Variants in FHOD3 observed in about 807,000 individuals in gnomAD.
FHOD3 encodes the protein FH1/FH2 domain-containing protein 3.
FHOD3 carries 90 observed loss-of-function variants against 173.0 expected under a neutral mutation model. The observed-to-expected ratio is 0.52, with a 90% CI of 0.44 to 0.62. FHOD3 has a LOEUF of 0.62. Among genes scored for constraint, FHOD3 ranks in the 20% least tolerant of loss-of-function variants. The probability of loss-of-function intolerance (pLI) is 0.00; values close to 1 mark genes in which losing one functional copy is unlikely to be tolerated. For missense variants in FHOD3, 1,945 were observed against 2,034.7 expected (o/e 0.96, Z 0.85); for synonymous variants, 828 against 823.0 (o/e 1.01, Z -0.10).
chr18:36,628,833 T>C (rs528000677), intron 10 of FHOD3, among the ~76,000 whole-genome samples: 1 of 152,324 alleles, frequency 6.6e-6, no homozygotes, highest in South Asian at 2.1e-4. Context: ...AGGTACCCCA[T>C]CTGCCCTTGA....
At chr18:36,395,758 GAA>G in intron 3 of FHOD3, among the ~76,000 whole-genome samples, 1 of 152,094 alleles carries the variant, frequency 6.6e-6, no homozygotes, top group Non-Finnish European at 1.5e-5. Flanking sequence ...TTTTGTTTGA[GAA>G]AATAGTTATT....
chr18:36,677,963 C>G (rs2037971437), intron 14 of FHOD3, among the ~76,000 whole-genome samples: 1 of 151,990 alleles, frequency 6.6e-6, no homozygotes, highest in Admixed American at 6.6e-5. Flanking sequence ...TTATGATTAA[C>G]TTGGTAAATT....
intron 10 of FHOD3, among the ~76,000 whole-genome samples, chr18:36,648,156 A>T (rs957345716): frequency 6.6e-6 from 1 of 152,144 alleles, no homozygotes; most frequent in Non-Finnish European, 1.5e-5. Flanking sequence ...TAGGAGGTGA[A>T]GAATTTGGGT....
At chr18:36,477,869 C>G (rs1401730627) in intron 3 of FHOD3, among the ~76,000 whole-genome samples, 1 of 152,106 alleles carries the variant, frequency 6.6e-6, no homozygotes, top group Non-Finnish European at 1.5e-5. Context: ...ATGGCAGAGT[C>G]TCTGGACTGG....
chr18:36,762,927 A>G (rs1310120306), intron 27 of FHOD3, among the ~76,000 whole-genome samples: 5 of 147,190 alleles, frequency 3.4e-5, no homozygotes, highest in African/African-American at 9.9e-5. Context: ...TATGTGTATT[A>G]TATACATTAT....
chr18:36,338,262 C>T (rs1386105646), intron 1 of FHOD3, among the ~76,000 whole-genome samples: 1 of 152,194 alleles, frequency 6.6e-6, no homozygotes, highest in Non-Finnish European at 1.5e-5. Context: ...ATGAGCTAGG[C>T]AGGCAGGTGG....
intron 1 of FHOD3, among the ~76,000 whole-genome samples, chr18:36,345,785 C>T (rs1252006899): frequency 1.3e-5 from 2 of 152,060 alleles, no homozygotes; most frequent in African/African-American, 2.4e-5. Context: ...AGCTAGAAAA[C>T]AAACTTACAG....
At chr18:36,624,458 A>T (rs2033942153) in intron 9 of FHOD3, among the ~76,000 whole-genome samples, 1 of 152,162 alleles carries the variant, frequency 6.6e-6, no homozygotes, top group Admixed American at 6.5e-5. Context: ...AGGCATAACA[A>T]TTAGAGGCCA....
intron 20 of FHOD3, among the ~76,000 whole-genome samples, chr18:36,731,380 C>T (rs1397827987): frequency 1.3e-5 from 2 of 152,186 alleles, no homozygotes; most frequent in African/African-American, 4.8e-5. Context: ...GGTTCATGTT[C>T]TTCCACAGGC....
chr18:36,442,202 T>A (rs914563863), intron 3 of FHOD3, among the ~76,000 whole-genome samples: 1 of 152,220 alleles, frequency 6.6e-6, no homozygotes, highest in African/African-American at 2.4e-5. Context: ...GTAATGTGTT[T>A]GCAAGGTTGT....
chr18:36,413,684 T>TGTTCCCC (rs2049475736), intron 3 of FHOD3, among the ~76,000 whole-genome samples: 1 of 152,340 alleles, frequency 6.6e-6, no homozygotes, highest in South Asian at 2.1e-4. Context: ...AAAAGACCTA[T>TGTTCCCC]GTTCCCCTTA....
At chr18:36,306,838 C>A (rs907132950) in intron 1 of FHOD3, among the ~76,000 whole-genome samples, 3 of 152,226 alleles carry the variant, frequency 2.0e-5, no homozygotes, top group Admixed American at 2.0e-4. Context: ...GTCTGCTCAT[C>A]CCAGCCATTT....
At chr18:36,445,327 G>A (rs1329860475) in intron 3 of FHOD3, among the ~76,000 whole-genome samples, 1 of 152,180 alleles carries the variant, frequency 6.6e-6, no homozygotes, top group African/African-American at 2.4e-5. Flanking sequence ...TCTTCTGTTA[G>A]GAAAAGAACA....
rs147262831 is a variant in FHOD3, at chr18:36,330,580, G to A, written c.166-24959G>A. On this transcript the variant is annotated intron_variant, in intron 1 of 28. Coordinates refer to ENST00000590592, the MANE Select transcript of FHOD3 (RefSeq NM_001281740.3). ...TGCAGGCTGAAGGCAGGGGACTGTGGCGTGCAGGGCTGACCATCCGTCATT... is the reference window on the plus strand; with the variant it reads ...TGCAGGCTGAAGGCAGGGGACTGTGACGTGCAGGGCTGACCATCCGTCATT... Among the ~76,000 whole-genome samples, 4 of 133,460 alleles carry A rather than the reference G, an allele frequency of 3.0e-5. No homozygotes were observed. The East Asian group carries it at 7.7e-4, about 26-fold the overall frequency. 87.6% of individuals were successfully genotyped at this position (133,460 alleles called of 152,430 possible). A position where few individuals can be genotyped will look rare whatever the true frequency, so the allele number is the denominator to read the frequency against.
intron 3 of FHOD3, among the ~76,000 whole-genome samples, chr18:36,422,396 T>A (rs1442843274): frequency 6.6e-6 from 1 of 152,230 alleles, no homozygotes; most frequent in Non-Finnish European, 1.5e-5. Context: ...TGAAGGATAG[T>A]TAGTCTGCTG....
chr18:36,476,307 A>G (rs1416749017), intron 3 of FHOD3, among the ~76,000 whole-genome samples: 1 of 152,196 alleles, frequency 6.6e-6, no homozygotes, highest in Non-Finnish European at 1.5e-5. Flanking sequence ...CATCTTTCCC[A>G]GGGGCATGGA....
chr18:36,667,736 A>G (rs1489051248), intron 14 of FHOD3, among the ~76,000 whole-genome samples: 1 of 152,206 alleles, frequency 6.6e-6, no homozygotes, highest in East Asian at 1.9e-4. Context: ...ACATTACTGT[A>G]CATCACTGTA....
At chr18:36,719,480 A>T (rs374163697) in intron 19 of FHOD3, among the ~76,000 whole-genome samples, 9 of 152,322 alleles carry the variant, frequency 5.9e-5, no homozygotes, top group African/African-American at 1.7e-4. Context: ...ATTAGTAGAG[A>T]CTTCTTCGCC....
chr18:36,683,839 A>T (rs1310845403), intron 15 of FHOD3, among the ~76,000 whole-genome samples: 1 of 152,230 alleles, frequency 6.6e-6, no homozygotes, highest in Non-Finnish European at 1.5e-5. Flanking sequence ...CTATGACCCC[A>T]TGATCACTAG....
Sources: gnomAD v4.1 joint callset for allele counts (sites outside exome capture counted in the v4.1 genomes callset) on GRCh38, gnomAD v4.1.1 for gene constraint, MANE v1.5 for transcripts, NCBI Gene and HGNC (gene_info 2026-07-23, HGNC 2026-07-21) for gene names.